The following CNTN5 variants were observed in gnomAD, a reference collection of about 807,000 sequenced individuals.
CNTN5 encodes contactin 5.
In CNTN5, 77 loss-of-function variants were observed where a neutral mutation model predicts 129.1. The observed-to-expected ratio is 0.60, with a 90% CI of 0.50 to 0.72. CNTN5 has a LOEUF of 0.72. Ranked by LOEUF, CNTN5 falls within the 30% of genes least tolerant of loss-of-function variation. The pLI is 0.00. For synonymous variants in CNTN5, 509 were observed against 465.6 expected, an observed-to-expected ratio of 1.09 and a Z score of -1.20; for missense variants, 1,478 against 1,328.8, an observed-to-expected ratio of 1.11 and a Z score of -1.75.
intron 3 of CNTN5, among the ~76,000 whole-genome samples, chr11:99,588,944 G>A (rs1949893257): frequency 6.6e-6 from 1 of 152,182 alleles, no homozygotes; most frequent in African/African-American, 2.4e-5. Flanking sequence ...GAAGTAATTA[G>A]TTTTCCCTCA....
chr11:99,270,403 T>C (rs1863118716), intron 1 of CNTN5, among the ~76,000 whole-genome samples: 1 of 151,880 alleles, frequency 6.6e-6, no homozygotes, highest in East Asian at 1.9e-4. Flanking sequence ...TAATAATTTT[T>C]CCAGCACCTT....
rs781294747 is a variant in CNTN5 at position 99,556,237 on chromosome 11, T to A, written c.23T>A (p.Met8Lys). ...AGGATGGCTTCCTCTTGGAAACTAA[T>A]GCTGTTTCTGTCAGTCACCATGTGT... MASSWKL[M>K]LFLSVTMCLS... The change falls in exon 3 of 25, where the codon ATG becomes AAG. Residue 8 changes from methionine to lysine, a missense_variant. Physicochemically the swap from Met to Lys is moderately conservative, Grantham distance 95. Coordinates refer to ENST00000524871, the MANE Select transcript of CNTN5 (RefSeq NM_014361.4). The A allele has an allele frequency of 2.7e-5, 41 of 1,518,274 alleles. No homozygotes were observed. The African/African-American group carries it at 5.4e-4, about 20-fold the overall frequency. The allele number at this position is 1,518,274 out of a possible 1,614,324, so 94.1% of individuals were successfully genotyped here.
chr11:99,316,674 A>C (rs1401268605), intron 1 of CNTN5, among the ~76,000 whole-genome samples: 1 of 152,100 alleles, frequency 6.6e-6, no homozygotes, highest in Non-Finnish European at 1.5e-5. Context: ...GCTGAACCAT[A>C]ATATTCTAAG....
Position 99,191,726 on chromosome 11 carries a change from T to C in CNTN5, c.-209-133620T>C, listed in dbSNP as rs115888382. On this transcript the variant is annotated intron_variant, in intron 1 of 24. Coordinates refer to ENST00000524871, the MANE Select transcript of CNTN5 (RefSeq NM_014361.4). ...TGTTTCTGAAAAACCAATGAGTCGA[T>C]AAAGAATTAAGAGATAAATTTAAAA... is the stretch of plus-strand genomic sequence containing the variant. 5.0e-3 allele frequency among the ~76,000 whole-genome samples: 759 copies of C among 151,808 alleles called. 3 individuals carry two copies. The highest frequency in any genetic ancestry group is 0.017 in the African/African-American group (722 of 41,484).
chr11:99,788,951 C>G (rs576823546), intron 3 of CNTN5, among the ~76,000 whole-genome samples: 1 of 151,724 alleles, frequency 6.6e-6, no homozygotes, highest in Non-Finnish European at 1.5e-5. Context: ...CAATAAGAGC[C>G]TCTCAAAATC....
chr11:100,022,580 G>C (rs529394130), intron 9 of CNTN5, among the ~76,000 whole-genome samples: 12 of 152,268 alleles, frequency 7.9e-5, no homozygotes, highest in Non-Finnish European at 1.5e-4. Context: ...TAAATAATGA[G>C]AACATTAATT....
intron 3 of CNTN5, among the ~76,000 whole-genome samples, chr11:99,583,139 G>A (rs1467034717): frequency 2.0e-5 from 3 of 152,190 alleles, no homozygotes; most frequent in African/African-American, 7.2e-5. Flanking sequence ...CAGAACAGCA[G>A]ATATTGGTGA....
intron 2 of CNTN5, among the ~76,000 whole-genome samples, chr11:99,542,211 C>T (rs1948141928): frequency 6.6e-6 from 1 of 151,996 alleles, no homozygotes; most frequent in Admixed American, 6.6e-5. Flanking sequence ...TCTCTTCTAG[C>T]AATTTATTGT....
Position 100,039,623 on chromosome 11 carries a change from G to C in CNTN5, c.981-21589G>C, listed in dbSNP as rs186177318. The stretch of plus-strand genomic sequence containing the variant: ...AGGTACACTAATCAGACATAGATTT[G>C]GTCTTTTCACATAGTCCCATATTTC... On this transcript the variant is annotated intron_variant, in intron 9 of 24. Transcript: ENST00000524871. Among the ~76,000 whole-genome samples the C allele has an allele frequency of 5.4e-3, 818 of 152,078 alleles. 7 individuals are homozygous for C. Among genetic ancestry groups the C allele is most frequent in the African/African-American group, 0.019 (773 of 41,510 alleles).
intron 6 of CNTN5, among the ~76,000 whole-genome samples, chr11:99,859,288 A>C (rs1414543908): frequency 6.6e-6 from 1 of 152,208 alleles, no homozygotes; most frequent in Admixed American, 6.5e-5. Flanking sequence ...AACTTAACGT[A>C]TGTAATATAT....
chr11:99,403,024 T>C (rs1214489909), intron 2 of CNTN5, among the ~76,000 whole-genome samples: 3 of 79,284 alleles, frequency 3.8e-5, no homozygotes, highest in African/African-American at 1.8e-4. Flanking sequence ...TTTTTTTTTT[T>C]GAGATGGAGT....
At chr11:100,263,404 T>A (rs1314869944) in intron 17 of CNTN5, among the ~76,000 whole-genome samples, 1 of 152,136 alleles carries the variant, frequency 6.6e-6, no homozygotes, top group East Asian at 1.9e-4. Flanking sequence ...CACTGTAATA[T>A]CAGAAGGAGA....
At chr11:99,152,934 G>GAAAAGA (rs777146973) in intron 1 of CNTN5, among the ~76,000 whole-genome samples, 18,722 of 152,110 alleles carry the variant, frequency 0.12, 1,299 homozygotes, top group East Asian at 0.34. Context: ...ATTATTGGTT[G>GAAAAGA]AAATCTCTTT....
At chr11:99,401,370 G>A (rs184419435) in intron 2 of CNTN5, among the ~76,000 whole-genome samples, 36 of 152,170 alleles carry the variant, frequency 2.4e-4, no homozygotes, top group African/African-American at 7.9e-4. Flanking sequence ...TGGTACCTTT[G>A]TCAGAAATGA....
chr11:99,761,556 A>G (rs1220798261), intron 3 of CNTN5, among the ~76,000 whole-genome samples: 7 of 151,652 alleles, frequency 4.6e-5, no homozygotes, highest in African/African-American at 1.7e-4. Context: ...GAGAATGATG[A>G]TTTCCAATTT....
At chr11:100,147,828 C>G (rs979190721) in intron 13 of CNTN5, among the ~76,000 whole-genome samples, 1 of 152,006 alleles carries the variant, frequency 6.6e-6, no homozygotes. Flanking sequence ...ATACAGGAAG[C>G]CTTGCCAGGA....
chr11:99,090,909 C>T (rs1401628651), intron 1 of CNTN5, among the ~76,000 whole-genome samples: 1 of 150,438 alleles, frequency 6.6e-6, no homozygotes, highest in African/African-American at 2.4e-5. Context: ...GTGGTCCCAG[C>T]TATTCAGGAG....
chr11:100,167,407 T>C (rs1338695506), intron 13 of CNTN5, among the ~76,000 whole-genome samples: 1 of 151,834 alleles, frequency 6.6e-6, no homozygotes, highest in Non-Finnish European at 1.5e-5. Flanking sequence ...TAAACATTCA[T>C]TTCTGTATTA....
chr11:99,955,525 A>G (rs1950778718), intron 7 of CNTN5, among the ~76,000 whole-genome samples: 1 of 152,168 alleles, frequency 6.6e-6, no homozygotes, highest in African/African-American at 2.4e-5. Context: ...ATGCAATACA[A>G]CATTTCAAAA....
Sources: gnomAD v4.1 joint callset for allele counts (sites outside exome capture counted in the v4.1 genomes callset) on GRCh38, gnomAD v4.1.1 for gene constraint, MANE v1.5 for transcripts, NCBI Gene and HGNC (gene_info 2026-07-23, HGNC 2026-07-21) for gene names.